FRMD4A: variants seen among roughly 807,000 people sequenced by gnomAD.
FRMD4A encodes FERM domain-containing protein 4A.
A neutral mutation model predicts 129.1 loss-of-function variants in FRMD4A; 29 were observed. The ratio of observed to expected loss-of-function variants is 0.22; its 90% CI spans 0.17 to 0.31. FRMD4A has a LOEUF of 0.31. FRMD4A is among the 10% of genes least tolerant of loss of function. The pLI is 1.00. For synonymous variants in FRMD4A, 634 were observed against 571.6 expected (o/e 1.11, Z -1.56); for missense variants, 1,272 against 1,375.8 (o/e 0.92, Z 1.19).
At chr10:14,084,314 T>C (rs1295197833) in intron 2 of FRMD4A, among the ~76,000 whole-genome samples, 1 of 152,090 alleles carries the variant, frequency 6.6e-6, no homozygotes, top group African/African-American at 2.4e-5. Flanking sequence ...GCCTGGCTAA[T>C]TTTTGTATTT....
chr10:14,071,773 G>A (rs1205651610), intron 2 of FRMD4A, among the ~76,000 whole-genome samples: 1 of 152,108 alleles, frequency 6.6e-6, no homozygotes, highest in Non-Finnish European at 1.5e-5. Context: ...TACGCACTTA[G>A]TGGGATCTTC....
In FRMD4A at chr10:13,790,312, T is replaced by C. The variant is rs80200929; in HGVS notation, c.299+6184A>G. 3.2e-3 allele frequency among the ~76,000 whole-genome samples: 480 copies of C among 152,214 alleles called. 4 individuals are homozygous for C. Among genetic ancestry groups the C allele is most frequent in the Middle Eastern group, 0.017 (5 of 294 alleles). The stretch of plus-strand genomic sequence containing the variant: ...CATCATTAGATTCCAGCTGCATCTG[T>C]GAGGAAATGCCAGTCAGTGGAGATG... On this transcript the variant is annotated intron_variant, in intron 5 of 24. Coordinates refer to ENST00000357447, the MANE Select transcript of FRMD4A (RefSeq NM_018027.5).
At chr10:14,234,777 G>A (rs1161502016) in intron 2 of FRMD4A, among the ~76,000 whole-genome samples, 1 of 152,190 alleles carries the variant, frequency 6.6e-6, no homozygotes, top group African/African-American at 2.4e-5. Context: ...TGTCTCTATG[G>A]TGGGCATTCA....
Position 13,800,872 on chromosome 10 carries a change from C to A in FRMD4A, c.207-4284G>T, listed in dbSNP as rs370176851. Among the ~76,000 whole-genome samples the A allele has an allele frequency of 1.1e-3, 161 of 152,326 alleles. 4 individuals carry two copies. Among genetic ancestry groups the A allele is most frequent in the African/African-American group, 3.5e-3 (147 of 41,574 alleles). On this transcript the variant is annotated intron_variant, in intron 4 of 24. Transcript: ENST00000357447. Reference sequence around the variant, plus strand: ...TGTCTAAAAGAATGACTTTTTAAGCCATGAATCTGACTGGCAATTCCTTTG... The same window carrying A: ...TGTCTAAAAGAATGACTTTTTAAGCAATGAATCTGACTGGCAATTCCTTTG...
At chr10:13,823,316 C>T (rs140922241) in intron 3 of FRMD4A, among the ~76,000 whole-genome samples, 17 of 152,204 alleles carry the variant, frequency 1.1e-4, no homozygotes, top group Admixed American at 1.1e-3. Context: ...AACCCCCAGA[C>T]TCCAGCCTGC....
intron 3 of FRMD4A, among the ~76,000 whole-genome samples, chr10:13,840,788 C>CAA (rs36070515): frequency 3.0e-4 from 17 of 57,236 alleles, no homozygotes; most frequent in African/African-American, 8.3e-4. Context: ...GACTCTGTCT[C>CAA]AAAAAAAAAA....
intron 2 of FRMD4A, among the ~76,000 whole-genome samples, chr10:14,091,063 C>A (rs888369336): frequency 4.6e-5 from 7 of 152,134 alleles, no homozygotes; most frequent in Non-Finnish European, 1.0e-4. Context: ...TAGAATGACA[C>A]CAGACCTATT....
chr10:13,905,044 G>A (rs1227077149), intron 2 of FRMD4A, among the ~76,000 whole-genome samples: 4 of 147,876 alleles, frequency 2.7e-5, no homozygotes, highest in Non-Finnish European at 4.5e-5. Context: ...GTGTTAATAC[G>A]CAACTCCTTA....
intron 3 of FRMD4A, among the ~76,000 whole-genome samples, chr10:13,854,142 T>C (rs1355421650): frequency 6.6e-6 from 1 of 152,220 alleles, no homozygotes; most frequent in African/African-American, 2.4e-5. Flanking sequence ...GTACCCCATC[T>C]AGCAACTCTC....
In FRMD4A at chr10:13,680,704, T is replaced by C. The variant is rs984532934; in HGVS notation, c.1118-5660A>G. 2.0e-5 allele frequency among the ~76,000 whole-genome samples: 3 copies of C among 151,238 alleles called. No homozygotes were observed. The South Asian group carries it at 6.3e-4, about 32-fold the overall frequency. ...TGGCGCCACTGCACTCCAGCCGGGGTGACAGAGCGAGACTCCATTTAAAAA... is the reference window on the plus strand; with the variant it reads ...TGGCGCCACTGCACTCCAGCCGGGGCGACAGAGCGAGACTCCATTTAAAAA... On this transcript the variant is annotated intron_variant, in intron 15 of 24. Coordinates refer to ENST00000357447, the MANE Select transcript of FRMD4A (RefSeq NM_018027.5).
chr10:14,017,825 T>A (rs945370166), intron 2 of FRMD4A, among the ~76,000 whole-genome samples: 1 of 152,172 alleles, frequency 6.6e-6, no homozygotes, highest in African/African-American at 2.4e-5. Flanking sequence ...AAAGAAAGCA[T>A]CTTGAATCTG....
intron 2 of FRMD4A, among the ~76,000 whole-genome samples, chr10:14,315,388 C>A (rs954223901): frequency 2.6e-5 from 4 of 152,182 alleles, no homozygotes; most frequent in South Asian, 2.1e-4. Flanking sequence ...CTTCTGTGAT[C>A]TCCACCTTCT....
chr10:13,965,844 A>G (rs1181335740), intron 2 of FRMD4A, among the ~76,000 whole-genome samples: 1 of 152,244 alleles, frequency 6.6e-6, no homozygotes, highest in African/African-American at 2.4e-5. Flanking sequence ...TGTGAAGAAG[A>G]GATCAAAGAC....
At chr10:14,287,142 CG>C (rs11346064) in intron 2 of FRMD4A, among the ~76,000 whole-genome samples, 78,924 of 151,722 alleles carry the variant, frequency 0.52, 21,267 homozygotes, top group African/African-American at 0.68. Flanking sequence ...ACAGGCCCCC[CG>C]CTCCGTGATG....
At chr10:13,706,955 A>T in intron 13 of FRMD4A, 82 bp downstream of exon 13, 3 of 771,636 alleles carry the variant, frequency 3.9e-6, no homozygotes, top group South Asian at 2.8e-5. Flanking sequence ...GACCATGAAC[A>T]ACGACAGCCC....
Position 13,912,390 on chromosome 10 carries a change from C to T in FRMD4A, c.46-53478G>A, listed in dbSNP as rs566295377. Among the ~76,000 whole-genome samples the T allele has an allele frequency of 1.7e-4, 26 of 152,176 alleles. No homozygotes were observed. The South Asian group carries it at 5.4e-3, about 32-fold the overall frequency. On this transcript the variant is annotated intron_variant, in intron 2 of 24. Transcript: ENST00000357447. ...GGTATATAACCAAGAGAAATGGAAA[C>T]ATATATCCACAGAAACTTGCACATG...
chr10:14,194,260 G>C (rs140842075), intron 2 of FRMD4A, among the ~76,000 whole-genome samples: 8 of 152,080 alleles, frequency 5.3e-5, no homozygotes, highest in Non-Finnish European at 1.2e-4. Context: ...TCATTCACTC[G>C]TCAGCCCTAC....
intron 2 of FRMD4A, among the ~76,000 whole-genome samples, chr10:14,272,928 C>T (rs778672300): frequency 5.9e-5 from 9 of 152,090 alleles, no homozygotes; most frequent in Non-Finnish European, 1.3e-4. Context: ...CTTTTAAAAG[C>T]ATCTTGGCTG....
chr10:13,948,572 C>T (rs916850190), intron 2 of FRMD4A, among the ~76,000 whole-genome samples: 3 of 150,906 alleles, frequency 2.0e-5, no homozygotes, highest in Non-Finnish European at 2.9e-5. Flanking sequence ...CTCTAGGGTA[C>T]AGCATGGGCA....
Sources: gnomAD v4.1 joint callset for allele counts (sites outside exome capture counted in the v4.1 genomes callset) on GRCh38, gnomAD v4.1.1 for gene constraint, MANE v1.5 for transcripts, NCBI Gene and HGNC (gene_info 2026-07-23, HGNC 2026-07-21) for gene names.